CTNNA3: variants seen among roughly 807,000 people sequenced by gnomAD.
CTNNA3 encodes the protein catenin alpha-3.
Under a neutral mutation model 95.7 loss-of-function variants are expected in CTNNA3, and 76 were observed. That is an observed-to-expected ratio of 0.79 (90% CI 0.66 to 0.96). The LOEUF (loss-of-function observed/expected upper bound fraction) is 0.96, where lower values mean the gene tolerates loss of function less well. Ranked by LOEUF, CTNNA3 falls within the 40% of genes least tolerant of loss-of-function variation. CTNNA3 has a pLI of 0.00. For synonymous variants in CTNNA3, 431 were observed against 374.4 expected, an observed-to-expected ratio of 1.15 and a Z score of -1.74; for missense variants, 1,191 against 1,089.8, an observed-to-expected ratio of 1.09 and a Z score of -1.31.
chr10:65,978,012 T>C (rs1006570233), intron 16 of CTNNA3, among the ~76,000 whole-genome samples: 3 of 152,118 alleles, frequency 2.0e-5, no homozygotes, highest in Admixed American at 1.3e-4. Flanking sequence ...CCTTGTTTCA[T>C]CTTGCTCAGG....
rs982655676 is a variant in CTNNA3 at position 66,036,882 on chromosome 10, T to A, written c.2159+32426A>T. 9.5e-4 allele frequency among the ~76,000 whole-genome samples: 134 copies of A among 141,134 alleles called. 1 individual carries two copies. The highest frequency in any genetic ancestry group is 3.3e-3 in the African/African-American group (124 of 37,580). The allele number at this position is 141,134 out of a possible 152,430, so 92.6% of individuals were successfully genotyped here. A position where few individuals can be genotyped will look rare whatever the true frequency, so the allele number is the denominator to read the frequency against. ...TTCCAATTTTTTTTTTTTTTTTTTT[T>A]TTTTTTTTGAGACTGAGTCTCGCCC... is the stretch of plus-strand genomic sequence containing the variant. On this transcript the variant is annotated intron_variant, in intron 15 of 17. Coordinates refer to ENST00000433211, the MANE Select transcript of CTNNA3 (RefSeq NM_013266.4).
intron 15 of CTNNA3, among the ~76,000 whole-genome samples, chr10:66,052,403 G>A (rs1051501739): frequency 6.6e-6 from 1 of 151,432 alleles, no homozygotes; most frequent in Admixed American, 6.6e-5. Flanking sequence ...AATGAAGGAT[G>A]GGGAAGGCAG....
intron 11 of CTNNA3, among the ~76,000 whole-genome samples, chr10:66,499,427 A>C (rs2131959594): frequency 6.6e-6 from 1 of 152,324 alleles, no homozygotes; most frequent in South Asian, 2.1e-4. Flanking sequence ...GGAAAAACTT[A>C]GAATTATGAT....
At chr10:67,069,143 G>A (rs1397101036) in intron 7 of CTNNA3, among the ~76,000 whole-genome samples, 18 of 151,996 alleles carry the variant, frequency 1.2e-4, no homozygotes, top group African/African-American at 4.3e-4. Context: ...GAGGAAATGG[G>A]AGGTAAACTG....
intron 3 of CTNNA3, among the ~76,000 whole-genome samples, chr10:67,583,402 C>G (rs566758809): frequency 1.3e-5 from 2 of 152,330 alleles, no homozygotes; most frequent in East Asian, 3.9e-4. Context: ...TCTCTTCTGG[C>G]TTGTAGAGTT....
chr10:67,508,739 A>G (rs1839508970), intron 5 of CTNNA3, among the ~76,000 whole-genome samples: 4 of 152,204 alleles, frequency 2.6e-5, no homozygotes, highest in Admixed American at 2.6e-4. Context: ...ATGAAATAAA[A>G]TGTTTGCAGA....
At chr10:66,559,057 C>T (rs1161167082) in intron 10 of CTNNA3, among the ~76,000 whole-genome samples, 1 of 152,136 alleles carries the variant, frequency 6.6e-6, no homozygotes, top group Non-Finnish European at 1.5e-5. Flanking sequence ...GTGACAACTC[C>T]TTTTCCTTCA....
rs1903875 is a variant in CTNNA3 at position 65,993,981 on chromosome 10, A to G, written c.2160-5184T>C. 2.6e-3 allele frequency among the ~76,000 whole-genome samples: 390 copies of G among 152,166 alleles called. 2 individuals are homozygous for G. Among genetic ancestry groups the G allele is most frequent in the African/African-American group, 8.6e-3 (355 of 41,518 alleles). On this transcript the variant is annotated intron_variant, in intron 15 of 17. Transcript: ENST00000433211. ...GAACTCCTGACCTCGCGATCTGCCCACCTCAGCCTCCCAAAGTGCTGAGAT... is the reference window on the plus strand; with the variant it reads ...GAACTCCTGACCTCGCGATCTGCCCGCCTCAGCCTCCCAAAGTGCTGAGAT...
chr10:66,426,396 T>A (rs1381166129), intron 11 of CTNNA3, among the ~76,000 whole-genome samples: 3 of 152,124 alleles, frequency 2.0e-5, no homozygotes, highest in Admixed American at 2.0e-4. Flanking sequence ...CAAAAGCTAT[T>A]GATTACCGTG....
At chr10:66,791,995 T>C (rs1416349051) in intron 7 of CTNNA3, among the ~76,000 whole-genome samples, 1 of 152,214 alleles carries the variant, frequency 6.6e-6, no homozygotes, top group East Asian at 1.9e-4. Flanking sequence ...TCTATAGAAC[T>C]ATTTTGTAAA....
At chr10:66,977,152 A>G (rs1170628776) in intron 7 of CTNNA3, among the ~76,000 whole-genome samples, 1 of 152,084 alleles carries the variant, frequency 6.6e-6, no homozygotes, top group Non-Finnish European at 1.5e-5. Flanking sequence ...GAATATATAA[A>G]GGTTGGCCGG....
chr10:66,928,358 T>C (rs1187798877), intron 7 of CTNNA3: 3 of 1,614,126 alleles, frequency 1.9e-6, no homozygotes, highest in East Asian at 2.2e-5. Flanking sequence ...GAATTTTATG[T>C]AGATTATAAA....
At chr10:66,778,187 T>A (rs969412547) in intron 7 of CTNNA3, among the ~76,000 whole-genome samples, 4 of 152,148 alleles carry the variant, frequency 2.6e-5, no homozygotes, top group African/African-American at 4.8e-5. Context: ...ACCTTTCTAC[T>A]TTTTCACCTC....
intron 13 of CTNNA3, among the ~76,000 whole-genome samples, chr10:66,169,004 C>T (rs1171624188): frequency 6.6e-6 from 1 of 152,120 alleles, no homozygotes; most frequent in African/African-American, 2.4e-5. Flanking sequence ...GTCATCTATT[C>T]TTTCTTAAGT....
intron 9 of CTNNA3, among the ~76,000 whole-genome samples, chr10:66,743,328 C>T (rs942095830): frequency 6.6e-5 from 10 of 152,038 alleles, no homozygotes; most frequent in Admixed American, 3.3e-4. Flanking sequence ...AGGAAAAGAT[C>T]GTACAAATTT....
chr10:66,486,593 G>A (rs923510393), intron 11 of CTNNA3, among the ~76,000 whole-genome samples: 7 of 151,980 alleles, frequency 4.6e-5, no homozygotes, highest in African/African-American at 1.7e-4. Flanking sequence ...CACTGTTCGT[G>A]GGAACGTAAA....
At chr10:66,481,294 T>C (rs934964039) in intron 11 of CTNNA3, among the ~76,000 whole-genome samples, 1 of 152,038 alleles carries the variant, frequency 6.6e-6, no homozygotes, top group African/African-American at 2.4e-5. Flanking sequence ...TTAATTTGAT[T>C]TGCTGTAGAT....
At chr10:66,664,297 A>G (rs1000943773) in intron 9 of CTNNA3, among the ~76,000 whole-genome samples, 14 of 152,128 alleles carry the variant, frequency 9.2e-5, no homozygotes, top group African/African-American at 2.9e-4. Flanking sequence ...GTTTTTTTAA[A>G]AAGTGTCAAT....
chr10:66,753,789 A>G (rs978594324), intron 9 of CTNNA3, among the ~76,000 whole-genome samples: 7 of 152,036 alleles, frequency 4.6e-5, no homozygotes, highest in African/African-American at 1.7e-4. Context: ...AGCATCAAAT[A>G]GAATAAAATT....
Sources: allele counts gnomAD v4.1 joint callset (sites outside exome capture counted in the v4.1 genomes callset), GRCh38; gene constraint gnomAD v4.1.1; transcripts MANE v1.5; gene names NCBI Gene and HGNC (gene_info 2026-07-23, HGNC 2026-07-21).